DCX: variants seen among roughly 807,000 people sequenced by gnomAD.
The protein encoded by DCX is doublecortin.
In DCX, 4 loss-of-function variants were observed where a neutral mutation model predicts 20.9. The ratio of observed to expected loss-of-function variants is 0.19; its 90% CI spans 0.09 to 0.44. The LOEUF is 0.44. Ranked by LOEUF, DCX falls within the 20% of genes least tolerant of loss-of-function variation. DCX has a pLI of 0.99. For missense variants in DCX, 133 were observed against 296.9 expected (o/e 0.45, Z 4.06); for synonymous variants, 103 against 111.4 (o/e 0.92, Z 0.47).
chrX:111,357,796 G>GAAA (rs375435343), intron 3 of DCX, among the ~76,000 whole-genome samples: 3 of 97,451 alleles, frequency 3.1e-5, no homozygotes, highest in Non-Finnish European at 4.1e-5. Flanking sequence ...GAGAAAAAAA[G>GAAA]AAAAAAAAAA....
intron 3 of DCX, among the ~76,000 whole-genome samples, chrX:111,391,652 C>T (rs943658550): frequency 1.8e-5 from 2 of 110,704 alleles, no homozygotes; most frequent in Non-Finnish European, 3.8e-5. Context: ...CTGGCCTATA[C>T]CAACTAGATG....
intron 3 of DCX, among the ~76,000 whole-genome samples, chrX:111,398,991 G>A (rs1927560110): frequency 9.0e-6 from 1 of 110,675 alleles, no homozygotes. Flanking sequence ...GCGTGCGTCT[G>A]TAGTCCCAGC....
intron 2 of DCX, 112 bp downstream of exon 2, chrX:111,409,923 C>G: frequency 9.8e-7 from 1 of 1,016,695 alleles, no homozygotes; most frequent in East Asian, 3.0e-5. Context: ...ATCAATCAAC[C>G]CGGTGTTTTG....
At chrX:111,348,935 T>G (rs1255176998) in intron 3 of DCX, among the ~76,000 whole-genome samples, 1 of 111,157 alleles carries the variant, frequency 9.0e-6, no homozygotes, top group Non-Finnish European at 1.9e-5. Context: ...GGTTACAACT[T>G]GACACTGGCT....
chrX:111,337,278 A>T (rs1965825015), intron 3 of DCX, among the ~76,000 whole-genome samples: 1 of 111,823 alleles, frequency 8.9e-6, no homozygotes, highest in Admixed American at 9.5e-5. Context: ...GTCAGGGAAG[A>T]GAACACAAAG....
intron 2 of DCX, among the ~76,000 whole-genome samples, chrX:111,408,695 G>GAAAGA (rs1569498238): frequency 3.3e-5 from 3 of 91,373 alleles, no homozygotes; most frequent in Non-Finnish European, 4.6e-5. Flanking sequence ...AGAAAGAAAG[G>GAAAGA]AAGGAAGTCG....
intron 3 of DCX, among the ~76,000 whole-genome samples, chrX:111,369,431 T>C (rs763697583): frequency 4.5e-5 from 5 of 111,935 alleles, no homozygotes; most frequent in Non-Finnish European, 9.4e-5. Context: ...ATTTCATCAA[T>C]CCAAAAAGAA....
chrX:111,389,694 G>A (rs1291017970), intron 3 of DCX, among the ~76,000 whole-genome samples: 1 of 111,227 alleles, frequency 9.0e-6, no homozygotes, highest in Non-Finnish European at 1.9e-5. Context: ...CTCCAGCCTG[G>A]GCGACAGAGC....
rs188874241 is a variant in DCX at position 111,330,629 on chromosome X, G to C, written c.946+275C>G. Among the ~76,000 whole-genome samples, 400 of 111,806 alleles carry C rather than the reference G, an allele frequency of 3.6e-3. 3 individuals are homozygous for C. The highest frequency in any genetic ancestry group is 0.012 in the African/African-American group (380 of 30,797). ...GAATATGTTTTTGCCACATGATGTT[G>C]AAGATGATGAAAATGATGACAACCA... On this transcript the variant is annotated intron_variant, in intron 5 of 6. Coordinates refer to ENST00000636035, the MANE Select transcript of DCX (RefSeq NM_001195553.2).
In DCX at chrX:111,301,655, T is replaced by G; in HGVS notation, c.*32A>C. Reference sequence around the variant, plus strand: ...CCTACTACAATGATAGGCTTGGATTTGTACTCTGGACTCTGAGCACTCTCC... The same window carrying G: ...CCTACTACAATGATAGGCTTGGATTGGTACTCTGGACTCTGAGCACTCTCC... On this transcript the variant is annotated 3_prime_UTR_variant, in exon 7 of 7. Transcript: ENST00000636035. The G allele has an allele frequency of 8.3e-7, 1 of 1,201,739 alleles. No individual in the cohort carries two copies. Among genetic ancestry groups the G allele is most frequent in the Non-Finnish European group, 1.1e-6 (1 of 886,199 alleles).
At chrX:111,369,748 G>A (rs1924923937) in intron 3 of DCX, among the ~76,000 whole-genome samples, 1 of 111,795 alleles carries the variant, frequency 8.9e-6, no homozygotes, top group African/African-American at 3.2e-5. Context: ...AATTGATCTT[G>A]CTGCCATCCA....
At chrX:111,332,525 C>A (rs184378236) in intron 4 of DCX, among the ~76,000 whole-genome samples, 145 of 111,471 alleles carry the variant, frequency 1.3e-3, no homozygotes, top group African/African-American at 4.5e-3. Context: ...GATGGGAAGA[C>A]GATTAGATCC....
intron 3 of DCX, among the ~76,000 whole-genome samples, chrX:111,370,493 T>C (rs1319004961): frequency 1.8e-5 from 2 of 111,686 alleles, no homozygotes; most frequent in African/African-American, 3.3e-5. Context: ...CACTTGTCTA[T>C]AGCATGATAT....
At chrX:111,360,398 G>C (rs185269824) in intron 3 of DCX, among the ~76,000 whole-genome samples, 220 of 111,231 alleles carry the variant, frequency 2.0e-3, no homozygotes, top group African/African-American at 7.0e-3. Flanking sequence ...AATCAAAATA[G>C]CTGAACTCAT....
chrX:111,355,037 A>C (rs6567954), intron 3 of DCX, among the ~76,000 whole-genome samples: 3,776 of 112,353 alleles, frequency 0.034, 150 homozygotes, highest in African/African-American at 0.11. Flanking sequence ...TTTTCAGTCT[A>C]ATTTTCTTTG....
At chrX:111,309,670 A>G (rs1603412368) in intron 6 of DCX, among the ~76,000 whole-genome samples, 2 of 111,706 alleles carry the variant, frequency 1.8e-5, no homozygotes, top group South Asian at 7.7e-4. Flanking sequence ...AACATCAGAC[A>G]AGCCCAAATT....
In DCX at chrX:111,299,227, TC is replaced by T. The variant is rs2095028358; in HGVS notation, c.*2459del. 9.0e-6 allele frequency: 1 copy of T among 111,233 alleles called. No homozygotes were observed. The highest frequency in any genetic ancestry group is 1.9e-5 in the Non-Finnish European group (1 of 53,084). The allele number at this position is 111,233 out of a possible 1,213,427, so 9.2% of individuals were successfully genotyped here. A position where few individuals can be genotyped will look rare whatever the true frequency, so the allele number is the denominator to read the frequency against. ...GACTATGCCAAGCCTCATCCCCTGCTCCCTCCAAAATGGCCATAAAGAAACA... is the reference window on the plus strand; with the variant it reads ...GACTATGCCAAGCCTCATCCCCTGCTCCTCCAAAATGGCCATAAAGAAACA... On this transcript the variant is annotated 3_prime_UTR_variant, in exon 7 of 7. Coordinates refer to ENST00000636035, the MANE Select transcript of DCX (RefSeq NM_001195553.2).
intron 1 of DCX, chrX:111,411,024 A>G: frequency 2.8e-6 from 3 of 1,065,213 alleles, no homozygotes; most frequent in Non-Finnish European, 3.9e-6. Context: ...CCCTCCCCCC[A>G]GAATAAACTA....
Position 111,299,816 on chromosome X carries a change from C to T in DCX, c.*1871G>A, listed in dbSNP as rs776565016. ...TACCATCATCTCACTTTTCCTGAACCGAAAATGTTTCTGGTAGCTACAGAC... is the reference window on the plus strand; with the variant it reads ...TACCATCATCTCACTTTTCCTGAACTGAAAATGTTTCTGGTAGCTACAGAC... On this transcript the variant is annotated 3_prime_UTR_variant, in exon 7 of 7. Coordinates refer to ENST00000636035, the MANE Select transcript of DCX (RefSeq NM_001195553.2). 9.0e-6 allele frequency: 1 copy of T among 111,597 alleles called. No homozygotes were observed. The highest frequency in any genetic ancestry group is 2.8e-4 in the East Asian group (1 of 3,544). The allele number at this position is 111,597 out of a possible 1,213,427, so 9.2% of individuals were successfully genotyped here.
Sources: allele counts gnomAD v4.1 joint callset (sites outside exome capture counted in the v4.1 genomes callset), GRCh38; gene constraint gnomAD v4.1.1; transcripts MANE v1.5; gene names NCBI Gene and HGNC (gene_info 2026-07-23, HGNC 2026-07-21).